CDH10: variants seen among roughly 807,000 people sequenced by gnomAD.
The protein encoded by CDH10 is cadherin-10.
In CDH10, 30 loss-of-function variants were observed where a neutral mutation model predicts 73.1. The observed-to-expected ratio is 0.41, with a 90% CI of 0.31 to 0.56. The LOEUF (loss-of-function observed/expected upper bound fraction) is 0.56. Ranked by LOEUF, CDH10 falls within the 20% of genes least tolerant of loss-of-function variation. The pLI is 0.27. For missense variants in CDH10, 815 were observed against 973.7 expected (o/e 0.84, Z 2.17); for synonymous variants, 345 against 348.2 (o/e 0.99, Z 0.10).
At chr5:24,551,191 C>A (rs1434375833) in intron 2 of CDH10, among the ~76,000 whole-genome samples, 1 of 152,126 alleles carries the variant, frequency 6.6e-6, no homozygotes, top group Non-Finnish European at 1.5e-5. Context: ...CTTATTTCTA[C>A]CTCAGCCTTT....
intron 1 of CDH10, among the ~76,000 whole-genome samples, chr5:24,597,519 C>T (rs1418582808): frequency 1.3e-5 from 2 of 152,016 alleles, no homozygotes; most frequent in Non-Finnish European, 2.9e-5. Flanking sequence ...ACTCTAAGGC[C>T]TTTTTCCACG....
At chr5:24,528,558 A>G (rs769005605) in intron 5 of CDH10, among the ~76,000 whole-genome samples, 2 of 152,078 alleles carry the variant, frequency 1.3e-5, no homozygotes, top group East Asian at 1.9e-4. Flanking sequence ...ACCTTGTCTC[A>G]TGCAAACTTG....
chr5:24,583,096 A>C (rs538884825), intron 2 of CDH10, among the ~76,000 whole-genome samples: 1 of 152,170 alleles, frequency 6.6e-6, no homozygotes, highest in South Asian at 2.1e-4. Context: ...TAAAAATGTT[A>C]AAACAATTAC....
chr5:24,534,125 T>A (rs759514212), intron 5 of CDH10, among the ~76,000 whole-genome samples: 17 of 152,058 alleles, frequency 1.1e-4, no homozygotes, highest in Non-Finnish European at 2.2e-4. Flanking sequence ...GTAATTCCTC[T>A]GAGCAACGGC....
chr5:24,567,699 A>G (rs1561168172), intron 2 of CDH10, among the ~76,000 whole-genome samples: 1 of 151,996 alleles, frequency 6.6e-6, no homozygotes, highest in Non-Finnish European at 1.5e-5. Flanking sequence ...AATGATTTGT[A>G]TTTTCATGTA....
chr5:24,593,639 A>G (rs1261055618), intron 1 of CDH10, 26 bp from the exon 2 acceptor site: 5 of 553,668 alleles, frequency 9.0e-6, no homozygotes, highest in Non-Finnish European at 1.3e-5. Flanking sequence ...CAAACAAAAA[A>G]AGTTAGTTGA....
At position 24,593,296 on chromosome 5, in the gene CDH10, T is replaced by C. The variant is rs113006160; in HGVS notation, c.195A>G (p.Glu65=). The C allele has an allele frequency of 5.0e-6, 8 of 1,611,682 alleles. No homozygotes were observed. Among genetic ancestry groups the C allele is most frequent in the Non-Finnish European group, 1.7e-6 (2 of 1,178,098 alleles). ...GWMWNQFFLL[E]EYTGSDYQYV... ...ACTGATAATCAGATCCTGTATATTCTTCAAGTAAGAAAAATTGATTCCACA... is the reference window on the plus strand; with the variant it reads ...ACTGATAATCAGATCCTGTATATTCCTCAAGTAAGAAAAATTGATTCCACA... The change falls in exon 2 of 12, where the codon GAA becomes GAG. Residue 65 remains glutamate, a synonymous_variant. Transcript: ENST00000264463.
intron 2 of CDH10, among the ~76,000 whole-genome samples, chr5:24,558,002 T>A (rs999814028): frequency 6.6e-6 from 1 of 151,736 alleles, no homozygotes; most frequent in African/African-American, 2.4e-5. Flanking sequence ...AGAGGCAAAG[T>A]ATGAAAATAA....
intron 2 of CDH10, among the ~76,000 whole-genome samples, chr5:24,562,493 T>G (rs2111991839): frequency 6.6e-6 from 1 of 152,214 alleles, no homozygotes; most frequent in African/African-American, 2.4e-5. Context: ...TACTGATATT[T>G]AGAGGGAGAG....
intron 2 of CDH10, among the ~76,000 whole-genome samples, chr5:24,574,347 C>G (rs6863453): frequency 0.23 from 35,683 of 151,982 alleles, 4,417 homozygotes; most frequent in Admixed American, 0.29. Flanking sequence ...TTTACAGATA[C>G]TTAAATGTGT....
intron 5 of CDH10, among the ~76,000 whole-genome samples, chr5:24,519,170 C>A (rs866939668): frequency 1.4e-4 from 21 of 151,970 alleles, no homozygotes; most frequent in African/African-American, 4.8e-4. Context: ...GTATTACAGG[C>A]ATGAGCTACT....
At chr5:24,560,878 CT>C (rs1383409480) in intron 2 of CDH10, among the ~76,000 whole-genome samples, 1 of 152,000 alleles carries the variant, frequency 6.6e-6, no homozygotes, top group Admixed American at 6.6e-5. Context: ...ACTAATATGC[CT>C]TTTTTTACTA....
At chr5:24,581,196 C>T (rs1745784822) in intron 2 of CDH10, among the ~76,000 whole-genome samples, 1 of 152,152 alleles carries the variant, frequency 6.6e-6, no homozygotes, top group African/African-American at 2.4e-5. Context: ...CCACTTTCCT[C>T]TTGCTTCCTT....
chr5:24,521,386 A>C (rs753863595), intron 5 of CDH10, among the ~76,000 whole-genome samples: 12 of 152,298 alleles, frequency 7.9e-5, no homozygotes, highest in Non-Finnish European at 1.5e-4. Flanking sequence ...CTTTACTAAA[A>C]ATGCAAAATT....
At chr5:24,534,119 T>C (rs1304398718) in intron 5 of CDH10, among the ~76,000 whole-genome samples, 1 of 152,086 alleles carries the variant, frequency 6.6e-6, no homozygotes, top group African/African-American at 2.4e-5. Flanking sequence ...TAGACAGTAA[T>C]TCCTCTGAGC....
At chr5:24,603,295 A>C (rs987719916) in intron 1 of CDH10, among the ~76,000 whole-genome samples, 3 of 152,228 alleles carry the variant, frequency 2.0e-5, no homozygotes, top group Non-Finnish European at 4.4e-5. Flanking sequence ...TGTAGAATAT[A>C]AAGAATAAAA....
chr5:24,501,924 G>GC (rs1742511048), intron 8 of CDH10, among the ~76,000 whole-genome samples: 1 of 151,158 alleles, frequency 6.6e-6, no homozygotes, highest in Non-Finnish European at 1.5e-5. Context: ...TCTCCACATG[G>GC]CCTTTTTTTT....
At chr5:24,509,912 G>T (rs2111756185) in intron 6 of CDH10, 93 bp from the exon 7 acceptor site, 1 of 896,136 alleles carries the variant, frequency 1.1e-6, no homozygotes, top group Non-Finnish European at 1.7e-6. Flanking sequence ...TTGTGGTTGA[G>T]TTCTCTTACA....
At chr5:24,538,137 G>T (rs1744024905) in intron 2 of CDH10, among the ~76,000 whole-genome samples, 1 of 152,020 alleles carries the variant, frequency 6.6e-6, no homozygotes, top group Non-Finnish European at 1.5e-5. Context: ...CTTAAGAACT[G>T]TAAGACAAGC....
Sources: allele counts gnomAD v4.1 joint callset (sites outside exome capture counted in the v4.1 genomes callset), GRCh38; gene constraint gnomAD v4.1.1; transcripts MANE v1.5; gene names NCBI Gene and HGNC (gene_info 2026-07-23, HGNC 2026-07-21).